Variants in NLRP7 observed in about 807,000 individuals in gnomAD.
NLRP7 encodes the protein NACHT, LRR and PYD domains-containing protein 7.
NLRP7 carries 72 observed loss-of-function variants against 85.5 expected under a neutral mutation model. That is an observed-to-expected ratio of 0.84 (90% CI 0.70 to 1.02). NLRP7 has a LOEUF of 1.02. Ranked by LOEUF, NLRP7 falls within the 50% of genes least tolerant of loss-of-function variation. The probability of loss-of-function intolerance (pLI) is 0.00; values close to 1 mark genes in which losing one functional copy is unlikely to be tolerated. For missense variants in NLRP7, 1,243 were observed against 1,219.5 expected, an observed-to-expected ratio of 1.02 and a Z score of -0.29; for synonymous variants, 550 against 505.2, an observed-to-expected ratio of 1.09 and a Z score of -1.19.
chr19:54,938,842 G>A (rs764224069), intron 4 of NLRP7, 46 bp downstream of exon 4: 18 of 1,604,320 alleles, frequency 1.1e-5, no homozygotes, highest in African/African-American at 2.7e-5. Context: ...CAAAGGAGAC[G>A]CTGGCCTCTT....
intron 8 of NLRP7, 92 bp downstream of exon 8, chr19:54,933,477 A>G: frequency 6.6e-7 from 1 of 1,511,646 alleles, no homozygotes; most frequent in Middle Eastern, 1.7e-4. Context: ...CCAGGTTTTT[A>G]AAAGTTACAT....
exon 2 of NLRP7, chr19:54,941,452 G>A (rs778606500): frequency 1.2e-6 from 2 of 1,600,514 alleles, no homozygotes; most frequent in Admixed American, 3.4e-5. Context: ...CTCAGCCTTT[G>A]CCATCTTACA....
chr19:54,943,396 T>G (rs965697686), intron 1 of NLRP7, among the ~76,000 whole-genome samples: 3 of 151,850 alleles, frequency 2.0e-5, no homozygotes, highest in African/African-American at 7.3e-5. Flanking sequence ...GGTCAGGAGA[T>G]CGAGACCATC....
chr19:54,926,205 G>GGGGT (rs375777486), intron 9 of NLRP7, among the ~76,000 whole-genome samples: 6 of 143,642 alleles, frequency 4.2e-5, no homozygotes, highest in East Asian at 2.4e-4. Flanking sequence ...AATGATTAGG[G>GGGGT]GTGTGTGTGT....
At chr19:54,961,482 CAG>C (rs1285348470) in intron 1 of NLRP7, among the ~76,000 whole-genome samples, 1 of 143,440 alleles carries the variant, frequency 7.0e-6, no homozygotes, top group Non-Finnish European at 1.5e-5. Flanking sequence ...TGGGCAACAA[CAG>C]AGAGACTTCA....
At chr19:54,933,572 A>C in exon 8 of NLRP7, 1 of 1,614,138 alleles carries the variant, frequency 6.2e-7, no homozygotes. Context: ...GACTTACACC[A>C]AGGTCTGCAG....
At chr19:54,924,716 A>G (rs532252670) in intron 9 of NLRP7, among the ~76,000 whole-genome samples, 2 of 152,190 alleles carry the variant, frequency 1.3e-5, no homozygotes, top group East Asian at 1.9e-4. Context: ...CGGGCAGATC[A>G]CCTGAGGTCA....
chr19:54,927,625 A>G, intron 9 of NLRP7: 1 of 1,614,164 alleles, frequency 6.2e-7, no homozygotes, highest in Non-Finnish European at 8.5e-7. Flanking sequence ...TCAAGGATCC[A>G]GTTCTTTGTC....
At chr19:54,941,595 C>G in exon 2 of NLRP7, 1 of 1,613,966 alleles carries the variant, frequency 6.2e-7, no homozygotes, top group Non-Finnish European at 8.5e-7. Flanking sequence ...ATGGGGTCTT[C>G]TGTAGCACGT....
At chr19:54,941,381 C>CCAA in intron 2 of NLRP7, 54 bp downstream of exon 2, 1 of 683,078 alleles carries the variant, frequency 1.5e-6, no homozygotes, top group South Asian at 1.6e-5. Flanking sequence ...GACTCCATCT[C>CCAA]AAAAAAAAAA....
chr19:54,943,037 C>T (rs776692039), intron 1 of NLRP7, among the ~76,000 whole-genome samples: 6 of 151,612 alleles, frequency 4.0e-5, no homozygotes, highest in East Asian at 1.9e-4. Flanking sequence ...ATCCCAGGTA[C>T]GTGGGAGGCT....
chr19:54,939,715 A>G lies in NLRP7; in HGVS notation c.1104T>C (p.Ile368=), dbSNP rs1654636. 0.011 allele frequency: 17,699 copies of G among 1,599,546 alleles called. 333 individuals are homozygous for G. Among genetic ancestry groups the G allele is most frequent in the African/African-American group, 0.063 (4,611 of 73,342 alleles). ...TCTGCAGCTTCAGAGTCGTGCACAC[A>G]ATCCAGCACACCGCGGGGGCCGAGC... Residue 368 remains isoleucine, a synonymous_variant, in exon 4 of 10, where the codon ATT becomes ATC. Transcript: ENST00000340844.
rs1362289980 is a variant in NLRP7 at position 54,956,258 on chromosome 19, ATCTGAT to A, written c.-76-8759_-76-8754del. On this transcript the variant is annotated intron_variant, in intron 1 of 2. Coordinates refer to the NLRP7 transcript ENST00000587103. ...TGGGACTCAGCCCTGAACCTTTGGGATCTGATGCTGTCCCCAGGTAGGGAGTGTCAG... is the reference window on the plus strand; with the variant it reads ...TGGGACTCAGCCCTGAACCTTTGGGAGCTGTCCCCAGGTAGGGAGTGTCAG... Among the ~76,000 whole-genome samples the A allele has an allele frequency of 1.1e-4, 17 of 152,272 alleles. No individual in the cohort carries two copies. The East Asian group carries it at 2.3e-3, about 21-fold the overall frequency.
intron 1 of NLRP7, among the ~76,000 whole-genome samples, chr19:54,956,561 G>A (rs1262919506): frequency 6.6e-6 from 1 of 151,960 alleles, no homozygotes; most frequent in African/African-American, 2.4e-5. Context: ...GGGCGCGGTG[G>A]CAGGTGCCTG....
intron 5 of NLRP7, among the ~76,000 whole-genome samples, chr19:54,937,122 G>T (rs1441371606): frequency 2.0e-5 from 3 of 151,522 alleles, no homozygotes; most frequent in East Asian, 1.9e-4. Context: ...GGAGGCTGAG[G>T]CAGGAGAATG....
At chr19:54,938,210 G>C (rs199854290) in exon 5 of NLRP7, 1 of 1,614,094 alleles carries the variant, frequency 6.2e-7, no homozygotes, top group Middle Eastern at 1.6e-4. Context: ...AGATCCTGCC[G>C]AGCCCAGTTC....
rs199475822 is a variant in NLRP7, at chr19:54,940,373, T to C, written c.446A>G (p.Asp149Gly). 1.2e-6 allele frequency: 2 copies of C among 1,614,186 alleles called. No individual in the cohort carries two copies. ...GAACCGTTGGTTTCTCAGAGTGACG[T>C]CGTCATGGAAATTGTCAATGTCTCC... The change falls in exon 4 of 10, where the codon GAC (aspartate) becomes GGC (glycine). Residue 149 changes from aspartate (D) to glycine (G), a missense_variant. Physicochemically the swap from Asp to Gly is moderately conservative, Grantham distance 94. Coordinates refer to ENST00000340844, the Ensembl canonical transcript of NLRP7.
At chr19:54,925,574 G>A (rs1358577862) in intron 9 of NLRP7, among the ~76,000 whole-genome samples, 2 of 152,170 alleles carry the variant, frequency 1.3e-5, no homozygotes, top group African/African-American at 4.8e-5. Flanking sequence ...GTGAGGCCAA[G>A]ACAGGAGGAT....
intron 1 of NLRP7, among the ~76,000 whole-genome samples, chr19:54,943,859 A>G (rs2069351509): frequency 6.6e-6 from 1 of 152,150 alleles, no homozygotes; most frequent in Non-Finnish European, 1.5e-5. Context: ...GTTAACCTGT[A>G]ACCCTAGCCC....
Sources: gnomAD v4.1 joint callset for allele counts (sites outside exome capture counted in the v4.1 genomes callset) on GRCh38, gnomAD v4.1.1 for gene constraint, MANE v1.5 for transcripts, NCBI Gene and HGNC (gene_info 2026-07-23, HGNC 2026-07-21) for gene names.